FECH: variants seen among roughly 807,000 people sequenced by gnomAD.
The protein encoded by FECH is ferrochelatase.
FECH carries 40 observed loss-of-function variants against 56.9 expected under a neutral mutation model. The ratio of observed to expected loss-of-function variants is 0.70; its 90% confidence interval spans 0.55 to 0.92. FECH has a LOEUF of 0.92. Ranked by LOEUF, FECH falls within the 40% of genes least tolerant of loss-of-function variation. The pLI, the probability that FECH is intolerant of heterozygous loss-of-function variation, is 0.00. For synonymous variants in FECH, 175 were observed against 198.6 expected, an observed-to-expected ratio of 0.88 and a Z score of 1.00; for missense variants, 431 against 529.1, an observed-to-expected ratio of 0.81 and a Z score of 1.82.
chr18:57,586,578 C>T lies in FECH; in HGVS notation c.43G>A (p.Ala15Thr). 6.6e-7 allele frequency: 1 copy of T among 1,521,724 alleles called. No homozygotes were observed. Among genetic ancestry groups the T allele is most frequent in the South Asian group, 1.2e-5 (1 of 82,530 alleles). The allele number at this position is 1,521,724 out of a possible 1,614,324, so 94.3% of individuals were successfully genotyped here. A position where few individuals can be genotyped will look rare whatever the true frequency, so the allele number is the denominator to read the frequency against. ...GANMAAALRA[A>T]GVLLRDPLAS... ...CGCGGATCGCGGAGCAGGACGCCCG[C>T]GGCGCGCAGGGCCGCAGCCATGTTT... The change falls in exon 1 of 11, where the codon GCG becomes ACG. Residue 15 changes from alanine to threonine, a missense_variant. Transcript: ENST00000262093.
rs1187490079 is a variant in FECH at position 57,576,604 on chromosome 18, G to A, written c.195-3239C>T. On this transcript the variant is annotated intron_variant, in intron 2 of 10. Coordinates refer to ENST00000262093, the MANE Select transcript of FECH (RefSeq NM_000140.5). ...GGTATCAGTGTGCAAACGGGATTTA[G>A]AGCTGTTTTTCATCTATAACACCTG... Among the ~76,000 whole-genome samples, 5 of 152,188 alleles carry A rather than the reference G, an allele frequency of 3.3e-5. No individual in the cohort carries two copies. In the East Asian group the frequency reaches 9.6e-4, roughly 29 times the overall value.
Position 57,586,700 on chromosome 18 carries a change from G to T in FECH, c.-80C>A, listed in dbSNP as rs1237448573. ...TGTCCGCCCAGCAGTGGCCGAGCCG[G>T]GTAGCGATCCCCACGCGCGTCCCCA... On this transcript the variant is annotated 5_prime_UTR_variant, in exon 1 of 11. Coordinates refer to ENST00000262093, the MANE Select transcript of FECH (RefSeq NM_000140.5). 3 of 1,318,676 alleles carry T rather than the reference G, an allele frequency of 2.3e-6. No homozygotes were observed. Among genetic ancestry groups the T allele is most frequent in the Non-Finnish European group, 3.0e-6 (3 of 994,770 alleles). The allele number at this position is 1,318,676 out of a possible 1,614,324, so 81.7% of individuals were successfully genotyped here. A position where few individuals can be genotyped will look rare whatever the true frequency, so the allele number is the denominator to read the frequency against.
intron 4 of FECH, among the ~76,000 whole-genome samples, chr18:57,568,230 C>A (rs934936864): frequency 2.1e-4 from 32 of 152,282 alleles, no homozygotes; most frequent in Non-Finnish European, 4.0e-4. Flanking sequence ...TTTCTTTTCA[C>A]CTGTCCAGTA....
intron 6 of FECH, among the ~76,000 whole-genome samples, chr18:57,562,052 C>T (rs1214254269): frequency 1.3e-5 from 2 of 152,172 alleles, no homozygotes; most frequent in Non-Finnish European, 2.9e-5. Flanking sequence ...ATTTAAATGA[C>T]ACCAGGCTTC....
intron 3 of FECH, among the ~76,000 whole-genome samples, chr18:57,572,815 A>G (rs1389707086): frequency 6.6e-6 from 1 of 152,118 alleles, no homozygotes; most frequent in Non-Finnish European, 1.5e-5. Context: ...ATAGAAATCT[A>G]TTTTGAAAGA....
At chr18:57,555,407 TAGA>T (rs2050855738) in intron 7 of FECH, among the ~76,000 whole-genome samples, 1 of 152,224 alleles carries the variant, frequency 6.6e-6, no homozygotes, top group Non-Finnish European at 1.5e-5. Flanking sequence ...CTGGTGGAAT[TAGA>T]GGAGGAAAGC....
intron 6 of FECH, among the ~76,000 whole-genome samples, chr18:57,562,488 G>A (rs899016892): frequency 2.6e-5 from 4 of 152,012 alleles, no homozygotes; most frequent in African/African-American, 9.7e-5. Flanking sequence ...TATTAAAATC[G>A]TTTGACATTT....
At chr18:57,580,865 C>T (rs2122360961) in intron 1 of FECH, among the ~76,000 whole-genome samples, 1 of 152,330 alleles carries the variant, frequency 6.6e-6, no homozygotes, top group South Asian at 2.1e-4. Flanking sequence ...GCTCCACACC[C>T]ACTCCCAGGG....
intron 1 of FECH, chr18:57,585,908 T>C (rs1361991115): frequency 1.3e-5 from 2 of 152,266 alleles, no homozygotes; most frequent in African/African-American, 2.4e-5. Flanking sequence ...GTGTCACAGT[T>C]GGAAATGCTG....
At chr18:57,560,674 T>C (rs2050932744) in intron 6 of FECH, among the ~76,000 whole-genome samples, 1 of 152,116 alleles carries the variant, frequency 6.6e-6, no homozygotes, top group Non-Finnish European at 1.5e-5. Flanking sequence ...TACAGTAATA[T>C]AGGTAAAAGA....
chr18:57,569,627 A>G (rs931742429), intron 4 of FECH, among the ~76,000 whole-genome samples: 1 of 152,216 alleles, frequency 6.6e-6, no homozygotes, highest in Non-Finnish European at 1.5e-5. Flanking sequence ...CAAGTCTGAC[A>G]ACTCTACCAG....
rs2050731447 is a variant in FECH, at chr18:57,547,182, T to C, written c.*3530A>G. 6.6e-6 allele frequency among the ~76,000 whole-genome samples: 1 copy of C among 152,228 alleles called. No individual in the cohort carries two copies. The highest frequency in any genetic ancestry group is 2.4e-5 in the African/African-American group (1 of 41,550). On this transcript the variant is annotated 3_prime_UTR_variant, in exon 11 of 11. Coordinates refer to ENST00000262093, the MANE Select transcript of FECH (RefSeq NM_000140.5). ...CAGAAGGGACTTGCCTTGTCTTGGATGAGACTTTGAACTTGGACTTTTGGG... is the reference window on the plus strand; with the variant it reads ...CAGAAGGGACTTGCCTTGTCTTGGACGAGACTTTGAACTTGGACTTTTGGG...
intron 10 of FECH, 49 bp from the exon 11 acceptor site, chr18:57,550,895 T>C: frequency 6.2e-7 from 1 of 1,610,858 alleles, no homozygotes; most frequent in Admixed American, 1.7e-5. Context: ...CAGGGTCTGC[T>C]CGTCTGCCAT....
chr18:57,573,866 G>C (rs13381411), intron 2 of FECH, among the ~76,000 whole-genome samples: 33,022 of 152,116 alleles, frequency 0.22, 3,864 homozygotes, highest in Non-Finnish European at 0.25. Flanking sequence ...CTGGCACATG[G>C]TAAGTTCTAC....
chr18:57,556,352 A>G (rs554927535), intron 7 of FECH, among the ~76,000 whole-genome samples: 2 of 152,292 alleles, frequency 1.3e-5, no homozygotes, highest in South Asian at 4.1e-4. Flanking sequence ...AGATATTTTT[A>G]ATTACAAAGA....
chr18:57,572,628 CGTGT>C (rs1224258122), intron 3 of FECH, among the ~76,000 whole-genome samples: 1 of 129,976 alleles, frequency 7.7e-6, no homozygotes, highest in Non-Finnish European at 1.6e-5. Context: ...TGTATGTGCG[CGTGT>C]GTGTGTGTAT....
At chr18:57,583,204 C>T (rs2122371001) in intron 1 of FECH, among the ~76,000 whole-genome samples, 1 of 152,298 alleles carries the variant, frequency 6.6e-6, no homozygotes, top group African/African-American at 2.4e-5. Flanking sequence ...TGAAAAGCGT[C>T]TCCTACCAAA....
chr18:57,566,395 T>C lies in FECH; in HGVS notation c.598+52A>G. ...CCCTTCAGTACTTAGACTCCTTGGT[T>C]ATTTTTGCCAGCACCGTATCTACCT... On this transcript the variant is annotated intron_variant, in intron 5 of 10. Coordinates refer to ENST00000262093, the MANE Select transcript of FECH (RefSeq NM_000140.5). 3 of 1,613,592 alleles carry C rather than the reference T, an allele frequency of 1.9e-6. No individual in the cohort carries two copies. The South Asian group carries it at 3.3e-5, about 18-fold the overall frequency.
intron 1 of FECH, among the ~76,000 whole-genome samples, chr18:57,580,546 A>G (rs2051262922): frequency 8.1e-6 from 1 of 123,276 alleles, no homozygotes; most frequent in African/African-American, 3.3e-5. Flanking sequence ...CTGTGGAAGG[A>G]GAAGGGGCTG....
Sources: gnomAD v4.1 joint callset for allele counts (sites outside exome capture counted in the v4.1 genomes callset) on GRCh38, gnomAD v4.1.1 for gene constraint, MANE v1.5 for transcripts, NCBI Gene and HGNC (gene_info 2026-07-23, HGNC 2026-07-21) for gene names.